The following APOBR variants were observed in gnomAD, a reference collection of about 807,000 sequenced individuals.
The protein encoded by APOBR is apoB-48R.
A neutral mutation model predicts 88.5 loss-of-function variants in APOBR; 57 were observed. That is an observed-to-expected ratio of 0.64 (90% CI 0.52 to 0.80). APOBR has a LOEUF of 0.80. Ranked by LOEUF, APOBR falls within the 30% of genes least tolerant of loss-of-function variation. The pLI is 0.00. For missense variants in APOBR, 1,443 were observed against 1,401.6 expected, an observed-to-expected ratio of 1.03 and a Z score of -0.47; for synonymous variants, 588 against 572.7, an observed-to-expected ratio of 1.03 and a Z score of -0.38.
At position 28,496,737 on chromosome 16, in the gene APOBR, C is replaced by G. The variant is rs756808221; in HGVS notation, c.1696C>G (p.Leu566Val). The G allele has an allele frequency of 3.8e-6, 6 of 1,592,926 alleles. No individual in the cohort carries two copies. The highest frequency in any genetic ancestry group is 5.1e-6 in the Non-Finnish European group (6 of 1,170,180). Residue 566 changes from leucine (L) to valine (V), a missense_variant, in exon 2 of 4, where the codon CTG (leucine) becomes GTG (valine). Coordinates refer to ENST00000564831, the MANE Select transcript of APOBR (RefSeq NM_018690.4). ...CGTCACCAAAGGCCAAGGACCTGAG[C>G]TGATGGGGGGCGCCCAGACCCCAAC... ...HSVTKGQGPE[L>V]MGGAQTPTKQ...
In APOBR at chr16:28,497,049, C is replaced by A. The variant is rs1328790377; in HGVS notation, c.2008C>A (p.Leu670Ile). The part of the protein sequence containing the change: ...AEAEGDRESE[L>I]SEVPEAGGEG... ...GGCTGAAGGAGACCGAGAGTCTGAA[C>A]TATCAGAAGTCCCAGAGGCAGGCGG... Residue 670 changes from leucine to isoleucine, a missense_variant, in exon 2 of 4, where the codon CTA (leucine) becomes ATA (isoleucine). By Grantham distance (5) the Leu-to-Ile change is conservative. Transcript: ENST00000564831. The A allele has an allele frequency of 6.9e-6, 11 of 1,589,328 alleles. No homozygotes were observed. In the East Asian group the frequency reaches 2.3e-4, roughly 33 times the overall value.
rs1212439331 is a variant in APOBR at position 28,498,156 on chromosome 16, C to T, written c.3031C>T (p.Arg1011Cys). The T allele has an allele frequency of 6.2e-6, 10 of 1,600,220 alleles. No homozygotes were observed. The East Asian group carries it at 6.7e-5, about 11-fold the overall frequency. The stretch of plus-strand genomic sequence containing the variant: ...GCACCTCTCGAGAAGCTCCTCACAG[C>T]GTCGCTCCCGGCCCTCTTTTCGTCG... ...RVHLSRSSSQ[R>C]RSRPSFRRTP... Residue 1011 changes from arginine (R) to cysteine (C), a missense_variant, in exon 3 of 4, where the codon CGT becomes TGT. Transcript: ENST00000564831.
chr16:28,496,914 GA>G lies in APOBR; in HGVS notation c.1877del (p.Asn626ThrfsTer56). 1 of 1,559,788 alleles carries G rather than the reference GA, an allele frequency of 6.4e-7. No individual in the cohort carries two copies. Among genetic ancestry groups the G allele is most frequent in the Non-Finnish European group, 8.7e-7 (1 of 1,152,608 alleles). On this transcript the variant is annotated frameshift_variant, in exon 2 of 4. Transcript: ENST00000564831. LOFTEE classifies it high-confidence loss of function. Reference sequence around the variant, plus strand: ...CTCCGAGGCCTTCCCAGGAGCCTGGGAAAACCGCACGAGAAAGGACATGGAG... The same window carrying G: ...CTCCGAGGCCTTCCCAGGAGCCTGGGAAACCGCACGAGAAAGGACATGGAG... ...EASEAFPGAW[E>X]NRTRKDMERG...
chr16:28,498,208 A>G lies in APOBR; in HGVS notation c.3083A>G (p.Glu1028Gly), dbSNP rs1377130501. The G allele has an allele frequency of 6.2e-7, 1 of 1,605,222 alleles. No homozygotes were observed. The highest frequency in any genetic ancestry group is 1.1e-5 in the South Asian group (1 of 90,340). Residue 1028 changes from glutamate (E) to glycine (G), a missense_variant, in exon 3 of 4, where the codon GAG becomes GGG. Transcript: ENST00000564831. Reference sequence around the variant, plus strand: ...ACTCCGGCCTGGGAGCAGCAGGAGGAGCCCCCAGCCCCCAACCCTCCTGAG... The same window carrying G: ...ACTCCGGCCTGGGAGCAGCAGGAGGGGCCCCCAGCCCCCAACCCTCCTGAG... ...RRTPAWEQQE[E>G]PPAPNPPEEE...
rs1056057884 is a variant in APOBR at position 28,495,367 on chromosome 16, A to G, written c.326A>G (p.His109Arg). 11 of 1,560,594 alleles carry G rather than the reference A, an allele frequency of 7.0e-6. No homozygotes were observed. The highest frequency in any genetic ancestry group is 1.2e-5 in the South Asian group (1 of 84,544). ...QTWGWGDGSS[H>R]GSQAERQDSG... ...TGGGGCTGGGGAGATGGCAGCTCCC[A>G]TGGGTCCCAAGCAGAGAGGCAGGAC... Residue 109 changes from histidine to arginine, a missense_variant, in exon 2 of 4, where the codon CAT (histidine) becomes CGT (arginine). By Grantham distance (29) the His-to-Arg change is conservative. Coordinates refer to ENST00000564831, the MANE Select transcript of APOBR (RefSeq NM_018690.4).
chr16:28,495,405 G>A lies in APOBR; in HGVS notation c.364G>A (p.Glu122Lys), dbSNP rs1272113780. 6.4e-7 allele frequency: 1 copy of A among 1,562,602 alleles called. No homozygotes were observed. Among genetic ancestry groups the A allele is most frequent in the Non-Finnish European group, 8.7e-7 (1 of 1,153,836 alleles). ...QAERQDSGAG[E>K]TAKAARCQEP... ...AGAGAGGCAGGACAGTGGGGCTGGG[G>A]AGACAGCCAAGGCTGCCAGGTGCCA... The change falls in exon 2 of 4, where the codon GAG (glutamate) becomes AAG (lysine). Residue 122 changes from glutamate (E) to lysine (K), a missense_variant. By Grantham distance (56) the Glu-to-Lys change is moderately conservative. Coordinates refer to ENST00000564831, the MANE Select transcript of APOBR (RefSeq NM_018690.4).
At position 28,497,987 on chromosome 16, in the gene APOBR, C is replaced by G. The variant is rs2046407199; in HGVS notation, c.2946C>G (p.Ser982Arg). ...MGSARGGAAN[S>R]WSEAPLPGSL... ...GTGCCAGAGGAGGTGCTGCCAACAG[C>G]TGGAGCGAGGTGAGGGCTCTTGGTG... The change falls in exon 2 of 4, where the codon AGC (serine) becomes AGG (arginine). Residue 982 changes from serine to arginine, a missense_variant. Physicochemically the swap from Ser to Arg is moderately radical, Grantham distance 110. Transcript: ENST00000564831. 6.3e-7 allele frequency: 1 copy of G among 1,595,782 alleles called. No homozygotes were observed. Among genetic ancestry groups the G allele is most frequent in the East Asian group, 2.2e-5 (1 of 44,526 alleles).
In APOBR at chr16:28,494,659, A is replaced by T. The variant is rs757087327; in HGVS notation, c.-23A>T. The T allele has an allele frequency of 8.7e-6, 14 of 1,605,268 alleles. No individual in the cohort carries two copies. In the African/African-American group the frequency reaches 1.9e-4, roughly 22 times the overall value. On this transcript the variant is annotated 5_prime_UTR_variant, in exon 1 of 4. Transcript: ENST00000564831. ...GGGACGGTCATTATCAGCTTTCTGGACACACAGACAGAGACAGACAGGATG... is the reference window on the plus strand; with the variant it reads ...GGGACGGTCATTATCAGCTTTCTGGTCACACAGACAGAGACAGACAGGATG...
At position 28,496,328 on chromosome 16, in the gene APOBR, G is replaced by C. The variant is rs1196912081; in HGVS notation, c.1287G>C (p.Gln429His). The change falls in exon 2 of 4, where the codon CAG becomes CAC. Residue 429 changes from glutamine (Q) to histidine (H), a missense_variant. Physicochemically the swap from Gln to His is conservative, Grantham distance 24. Coordinates refer to ENST00000564831, the MANE Select transcript of APOBR (RefSeq NM_018690.4). ...AEVSPFPKQP[Q>H]VLGTERTEEA... The stretch of plus-strand genomic sequence containing the variant: ...TGAGCCCTTTCCCCAAACAGCCCCA[G>C]GTCCTGGGCACTGAAAGAACAGAAG... The C allele has an allele frequency of 6.3e-7, 1 of 1,585,226 alleles. No individual in the cohort carries two copies.
chr16:28,497,725 A>G lies in APOBR; in HGVS notation c.2684A>G (p.Glu895Gly), dbSNP rs2046404637. 3 of 1,604,760 alleles carry G rather than the reference A, an allele frequency of 1.9e-6. No individual in the cohort carries two copies. The African/African-American group carries it at 4.0e-5, about 21-fold the overall frequency. Residue 895 changes from glutamate to glycine, a missense_variant, in exon 2 of 4, where the codon GAA becomes GGA. By Grantham distance (98) the Glu-to-Gly change is moderately conservative (BLOSUM62 -2). Transcript: ENST00000564831. ...EEEAVGWQER[E>G]QREDSEGRCG... ...GAGGCTGTTGGATGGCAGGAGAGAG[A>G]ACAGAGGGAAGACAGTGAGGGGCGG...
At position 28,497,058 on chromosome 16, in the gene APOBR, G is replaced by A. The variant is rs772896508; in HGVS notation, c.2017G>A (p.Val673Ile). The A allele has an allele frequency of 8.5e-5, 136 of 1,592,252 alleles. No homozygotes were observed. Among genetic ancestry groups the A allele is most frequent in the Admixed American group, 1.6e-4 (9 of 55,772 alleles). Residue 673 changes from valine to isoleucine, a missense_variant, in exon 2 of 4, where the codon GTC becomes ATC. By Grantham distance (29) the Val-to-Ile change is conservative. Coordinates refer to ENST00000564831, the MANE Select transcript of APOBR (RefSeq NM_018690.4). Reference sequence around the variant, plus strand: ...AGACCGAGAGTCTGAACTATCAGAAGTCCCAGAGGCAGGCGGGGAGGGGCT... The same window carrying A: ...AGACCGAGAGTCTGAACTATCAGAAATCCCAGAGGCAGGCGGGGAGGGGCT... ...EGDRESELSE[V>I]PEAGGEGLTT...
In APOBR at chr16:28,498,596, G is replaced by A. The variant is rs1353148616; in HGVS notation, c.*91G>A. The A allele has an allele frequency of 7.1e-7, 1 of 1,402,666 alleles. No individual in the cohort carries two copies. The highest frequency in any genetic ancestry group is 9.7e-7 in the Non-Finnish European group (1 of 1,035,384). 86.9% of individuals were successfully genotyped at this position (1,402,666 alleles called of 1,614,324 possible). A position where few individuals can be genotyped will look rare whatever the true frequency, so the allele number is the denominator to read the frequency against. On this transcript the variant is annotated 3_prime_UTR_variant, in exon 4 of 4. Transcript: ENST00000564831. ...GAGCCCTGCTCCCTCTGCCACTGTG[G>A]ACACATCCTCTCCACCCTCTGGGCC...
Position 28,497,853 on chromosome 16 carries a change from G to A in APOBR, c.2812G>A (p.Glu938Lys), listed in dbSNP as rs1259701464. 2 of 1,611,402 alleles carry A rather than the reference G, an allele frequency of 1.2e-6. No individual in the cohort carries two copies. Among genetic ancestry groups the A allele is most frequent in the Non-Finnish European group, 1.7e-6 (2 of 1,178,846 alleles). Reference sequence around the variant, plus strand: ...GGCAGAGGCCAAGGAGACTGAGCCAGAAAGCCTGGAACATGTCAGGGGCCA... The same window carrying A: ...GGCAGAGGCCAAGGAGACTGAGCCAAAAAGCCTGGAACATGTCAGGGGCCA... ...RRAEAKETEP[E>K]SLEHVRGQEE... The change falls in exon 2 of 4, where the codon GAA (glutamate) becomes AAA (lysine). Residue 938 changes from glutamate to lysine, a missense_variant. Glu to Lys is a moderately conservative substitution (Grantham distance 56). Coordinates refer to ENST00000564831, the MANE Select transcript of APOBR (RefSeq NM_018690.4).
chr16:28,498,362 C>T lies in APOBR; in HGVS notation c.3224+13C>T, dbSNP rs2141734643. Reference sequence around the variant, plus strand: ...CCCTGGGACACGGGTAGGCACAGGGCAACTCAGCTGGGGTGGGGAAGAGAC... The same window carrying T: ...CCCTGGGACACGGGTAGGCACAGGGTAACTCAGCTGGGGTGGGGAAGAGAC... On this transcript the variant is annotated intron_variant, in intron 3 of 3. Coordinates refer to ENST00000564831, the MANE Select transcript of APOBR (RefSeq NM_018690.4). 3 of 1,596,198 alleles carry T rather than the reference C, an allele frequency of 1.9e-6. No homozygotes were observed. The East Asian group carries it at 6.8e-5, about 36-fold the overall frequency.
Position 28,496,477 on chromosome 16 carries a change from G to C in APOBR, c.1436G>C (p.Arg479Thr), listed in dbSNP as rs1255924947. Residue 479 changes from arginine to threonine, a missense_variant, in exon 2 of 4, where the codon AGG (arginine) becomes ACG (threonine). Physicochemically the swap from Arg to Thr is moderately conservative, Grantham distance 71. Transcript: ENST00000564831. ...GAGATGAGGCAGGACTTGGGGATCA[G>C]GGCCGACCGGGCCAGGATGGAAGAG... ...EAEMRQDLGI[R>T]ADRARMEELV... 1 of 1,606,026 alleles carries C rather than the reference G, an allele frequency of 6.2e-7. No individual in the cohort carries two copies. Among genetic ancestry groups the C allele is most frequent in the Admixed American group, 1.7e-5 (1 of 58,904 alleles).
chr16:28,494,710 G>A lies in APOBR; in HGVS notation c.29G>A (p.Gly10Glu), dbSNP rs1290807993. MDFLRLYLP[G>E]LHQALRGALD... The stretch of plus-strand genomic sequence containing the variant: ...GACTTCCTCCGGCTATACCTCCCTG[G>A]GCTGCACCAGGCCTTGAGGGGGGCA... The change falls in exon 1 of 4, where the codon GGG becomes GAG. Residue 10 changes from glycine to glutamate, a missense_variant. By Grantham distance (98) the Gly-to-Glu change is moderately conservative. Transcript: ENST00000564831. 1.9e-6 allele frequency: 3 copies of A among 1,612,268 alleles called. No individual in the cohort carries two copies. The highest frequency in any genetic ancestry group is 2.7e-5 in the African/African-American group (2 of 74,854).
Position 28,496,746 on chromosome 16 carries a change from G to A in APOBR, c.1705G>A (p.Gly569Ser). The change falls in exon 2 of 4, where the codon GGC (glycine) becomes AGC (serine). Residue 569 changes from glycine to serine, a missense_variant. By Grantham distance (56) the Gly-to-Ser change is moderately conservative (BLOSUM62 0). Coordinates refer to ENST00000564831, the MANE Select transcript of APOBR (RefSeq NM_018690.4). The part of the protein sequence containing the change: ...TKGQGPELMG[G>S]AQTPTKQPEE... ...AGGCCAAGGACCTGAGCTGATGGGGGGCGCCCAGACCCCAACTAAGCAACC... is the reference window on the plus strand; with the variant it reads ...AGGCCAAGGACCTGAGCTGATGGGGAGCGCCCAGACCCCAACTAAGCAACC... 6.3e-7 allele frequency: 1 copy of A among 1,590,114 alleles called. No homozygotes were observed. Among genetic ancestry groups the A allele is most frequent in the Non-Finnish European group, 8.6e-7 (1 of 1,168,772 alleles).
Position 28,495,627 on chromosome 16 carries a change from G to A in APOBR, c.586G>A (p.Ala196Thr), listed in dbSNP as rs1212055551. Residue 196 changes from alanine (A) to threonine (T), a missense_variant, in exon 2 of 4, where the codon GCG becomes ACG. By Grantham distance (58) the Ala-to-Thr change is moderately conservative. Coordinates refer to ENST00000564831, the MANE Select transcript of APOBR (RefSeq NM_018690.4). ...RAREPGMARGAESEWTWHGET... is the reference protein window; with the variant it reads ...RAREPGMARGTESEWTWHGET... ...AAGAGAGCCAGGGATGGCCAGAGGG[G>A]CGGAGTCAGAGTGGACCTGGCATGG... is the stretch of plus-strand genomic sequence containing the variant. 2 of 1,557,606 alleles carry A rather than the reference G, an allele frequency of 1.3e-6. No individual in the cohort carries two copies. Among genetic ancestry groups the A allele is most frequent in the Non-Finnish European group, 1.7e-6 (2 of 1,150,408 alleles).
In APOBR at chr16:28,497,745, G is replaced by C. The variant is rs763710058; in HGVS notation, c.2704G>C (p.Gly902Arg). 6.2e-7 allele frequency: 1 copy of C among 1,604,148 alleles called. No individual in the cohort carries two copies. Among genetic ancestry groups the C allele is most frequent in the South Asian group, 1.1e-5 (1 of 89,530 alleles). ...QEREQREDSE[G>R]RCGDYHPEGE... ...GAGAGAACAGAGGGAAGACAGTGAG[G>C]GGCGGTGTGGGGACTACCACCCTGA... Residue 902 changes from glycine (G) to arginine (R), a missense_variant, in exon 2 of 4, where the codon GGG (glycine) becomes CGG (arginine). Transcript: ENST00000564831.
Sources: allele counts gnomAD v4.1 joint callset, GRCh38; gene constraint gnomAD v4.1.1; transcripts MANE v1.5; gene names NCBI Gene and HGNC (gene_info 2026-07-23, HGNC 2026-07-21).